MAP3K2: variants seen among roughly 807,000 people sequenced by gnomAD.
MAP3K2 encodes mitogen-activated protein kinase kinase kinase 2, also known as MAP/ERK kinase kinase 2.
A neutral mutation model predicts 80.3 loss-of-function variants in MAP3K2; 24 were observed. That is an observed-to-expected ratio of 0.30 (90% confidence interval 0.22 to 0.42). The LOEUF is 0.42. Ranked by LOEUF, MAP3K2 falls within the 10% of genes least tolerant of loss-of-function variation. MAP3K2 has a pLI of 1.00. For synonymous variants in MAP3K2, 244 were observed against 253.7 expected (o/e 0.96, Z 0.36); for missense variants, 608 against 750.1 (o/e 0.81, Z 2.21).
chr2:127,387,521 C>A lies in MAP3K2; in HGVS notation c.-135G>T, dbSNP rs1687389387. The A allele has an allele frequency of 1.5e-5, 15 of 985,026 alleles. No individual in the cohort carries two copies. Among genetic ancestry groups the A allele is most frequent in the Non-Finnish European group, 1.8e-5 (15 of 829,724 alleles). 61.0% of individuals were successfully genotyped at this position (985,026 alleles called of 1,614,324 possible). A position where few individuals can be genotyped will look rare whatever the true frequency, so the allele number is the denominator to read the frequency against. ...GCCGCCCCCGCCGAGCCCGCCCCTC[C>A]GCCCCAGCGCGGCCTGTCACCGCGG... On this transcript the variant is annotated 5_prime_UTR_variant, in exon 1 of 17. Coordinates refer to ENST00000682094, the MANE Select transcript of MAP3K2 (RefSeq NM_001371910.2).
At chr2:127,388,396 G>A, upstream of MAP3K2, 1 of 985,442 alleles carries the variant, frequency 1.0e-6, no homozygotes, top group Non-Finnish European at 1.2e-6. Context: ...TCATTTGCAA[G>A]GAGAAAAGCC....
intron 1 of MAP3K2, among the ~76,000 whole-genome samples, chr2:127,367,135 T>A (rs547276345): frequency 1.2e-4 from 19 of 152,248 alleles, no homozygotes; most frequent in South Asian, 8.3e-4. Flanking sequence ...TGAAGAGACA[T>A]AACAGCTTGG....
Position 127,329,910 on chromosome 2 carries a change from T to G in MAP3K2, c.466+11A>C. 2 of 1,456,716 alleles carry G rather than the reference T, an allele frequency of 1.4e-6. No homozygotes were observed. Among genetic ancestry groups the G allele is most frequent in the Non-Finnish European group, 1.9e-6 (2 of 1,039,132 alleles). The allele number at this position is 1,456,716 out of a possible 1,614,324, so 90.2% of individuals were successfully genotyped here. A position where few individuals can be genotyped will look rare whatever the true frequency, so the allele number is the denominator to read the frequency against. ...ATCATTCATTTCATAATTCAGACACTAGTTTCTTACCTATTATAGATAGCC... is the reference window on the plus strand; with the variant it reads ...ATCATTCATTTCATAATTCAGACACGAGTTTCTTACCTATTATAGATAGCC... On this transcript the variant is annotated intron_variant, in intron 7 of 16. Transcript: ENST00000682094.
At chr2:127,341,218 C>T (rs1021837310) in intron 2 of MAP3K2, among the ~76,000 whole-genome samples, 1 of 151,474 alleles carries the variant, frequency 6.6e-6, no homozygotes, top group African/African-American at 2.4e-5. Context: ...CTCGATCTCC[C>T]GGCCTCGTGA....
chr2:127,368,292 A>C (rs1285151896), intron 1 of MAP3K2, among the ~76,000 whole-genome samples: 3 of 151,734 alleles, frequency 2.0e-5, no homozygotes, highest in Non-Finnish European at 4.4e-5. Flanking sequence ...ACTGCACTCC[A>C]GCCTGGGTGA....
At chr2:127,388,087 G>C (rs1484098224), upstream of MAP3K2, 1 of 984,212 alleles carries the variant, frequency 1.0e-6, no homozygotes, top group Non-Finnish European at 1.2e-6. Flanking sequence ...GGAGTGGGTC[G>C]GCGCCTGCGC....
chr2:127,326,523 G>T (rs529575103), intron 8 of MAP3K2, among the ~76,000 whole-genome samples, 164 bp downstream of exon 8: 10 of 152,230 alleles, frequency 6.6e-5, no homozygotes, highest in Admixed American at 5.9e-4. Context: ...ACAGGCACAT[G>T]TAAATTAATG....
In MAP3K2 at chr2:127,321,396, G is replaced by A. The variant is rs927575148; in HGVS notation, c.1045+650C>T. Among the ~76,000 whole-genome samples the A allele has an allele frequency of 6.6e-6, 1 of 152,174 alleles. No individual in the cohort carries two copies. Among genetic ancestry groups the A allele is most frequent in the African/African-American group, 2.4e-5 (1 of 41,420 alleles). On this transcript the variant is annotated intron_variant, in intron 12 of 16. Coordinates refer to ENST00000682094, the MANE Select transcript of MAP3K2 (RefSeq NM_001371910.2). This position sits in a 1 kb window ranked among gnomAD's most constrained non-coding sequence, Gnocchi z 4.4. ...AAAAATAACAGCAATATAGCATGGG[G>A]TCAATATGGATATAAAAGTAAACTA... is the stretch of plus-strand genomic sequence containing the variant.
At chr2:127,348,388 C>CAATA (rs1220733698) in intron 1 of MAP3K2, among the ~76,000 whole-genome samples, 2 of 151,822 alleles carry the variant, frequency 1.3e-5, no homozygotes, top group Non-Finnish European at 2.9e-5. Context: ...ACTTCATCTC[C>CAATA]AATAAATAAA....
intron 16 of MAP3K2, 98 bp downstream of exon 16, chr2:127,308,487 G>T (rs1482358367): frequency 1.8e-6 from 2 of 1,107,532 alleles, no homozygotes; most frequent in Non-Finnish European, 2.5e-6. Context: ...TATTTTGGAA[G>T]TACAAAAGAT....
intron 5 of MAP3K2, among the ~76,000 whole-genome samples, chr2:127,335,559 GAA>G (rs1282857789): frequency 3.9e-5 from 6 of 152,072 alleles, no homozygotes; most frequent in African/African-American, 1.4e-4. Flanking sequence ...AGTATGAGAG[GAA>G]AAGACAGTTC....
intron 1 of MAP3K2, among the ~76,000 whole-genome samples, chr2:127,351,193 T>A (rs530898003): frequency 2.0e-5 from 3 of 152,132 alleles, no homozygotes; most frequent in African/African-American, 7.3e-5. Flanking sequence ...TTGGGACTAC[T>A]GGCAAAACTT....
intron 9 of MAP3K2, among the ~76,000 whole-genome samples, chr2:127,325,216 A>G (rs1363008927): frequency 6.6e-6 from 1 of 152,242 alleles, no homozygotes; most frequent in East Asian, 1.9e-4. Context: ...TTTAACTAAC[A>G]AAGATACTGA....
rs140853661 is a variant in MAP3K2, at chr2:127,315,986, A to G, written c.1327-1103T>C. ...GCTACTCAGGAGGCTGAGGCAGGAG[A>G]ATTGATTTAATTCAGGAGGTGGAAG... is the stretch of plus-strand genomic sequence containing the variant. On this transcript the variant is annotated intron_variant, in intron 14 of 16. Transcript: ENST00000682094. Among the ~76,000 whole-genome samples the G allele has an allele frequency of 6.1e-3, 926 of 152,166 alleles. 9 individuals carry two copies. Among genetic ancestry groups the G allele is most frequent in the African/African-American group, 0.021 (887 of 41,508 alleles).
intron 1 of MAP3K2, among the ~76,000 whole-genome samples, chr2:127,362,546 G>T (rs1187986048): frequency 6.6e-6 from 1 of 152,042 alleles, no homozygotes; most frequent in East Asian, 1.9e-4. Flanking sequence ...AAAGAGGAAA[G>T]AAGGTAGCTC....
intron 1 of MAP3K2, among the ~76,000 whole-genome samples, chr2:127,349,798 A>G (rs1383852548): frequency 1.3e-5 from 2 of 152,164 alleles, no homozygotes; most frequent in Non-Finnish European, 2.9e-5. Context: ...AGAGAAAGTC[A>G]CAAAGTGGTT....
At chr2:127,384,705 C>T (rs377493282) in intron 1 of MAP3K2, among the ~76,000 whole-genome samples, 1 of 151,712 alleles carries the variant, frequency 6.6e-6, no homozygotes, top group Non-Finnish European at 1.5e-5. Flanking sequence ...GCTCTGTTGC[C>T]CAGGCTGGTC....
chr2:127,315,839 C>T (rs1685890924), intron 14 of MAP3K2, among the ~76,000 whole-genome samples: 1 of 151,998 alleles, frequency 6.6e-6, no homozygotes, highest in African/African-American at 2.4e-5. Flanking sequence ...AATACCATCA[C>T]TTTGGGAGGC....
At chr2:127,313,618 C>T (rs536006330) in intron 15 of MAP3K2, among the ~76,000 whole-genome samples, 1 of 152,336 alleles carries the variant, frequency 6.6e-6, no homozygotes, top group East Asian at 1.9e-4. Context: ...CATGCAAATA[C>T]AAACGTGTAC....
Sources: gnomAD v4.1 joint callset for allele counts (sites outside exome capture counted in the v4.1 genomes callset) on GRCh38, gnomAD v4.1.1 for gene constraint, Gnocchi (gnomAD v3.1) non-coding constraint, MANE v1.5 for transcripts, NCBI Gene and HGNC (gene_info 2026-07-23, HGNC 2026-07-21) for gene names.